EYA2: variants seen among roughly 807,000 people sequenced by gnomAD.
EYA2 encodes the protein EYA transcriptional coactivator and phosphatase 2.
A neutral mutation model predicts 69.2 loss-of-function variants in EYA2; 31 were observed. The observed-to-expected ratio is 0.45, with a 90% CI of 0.34 to 0.60. EYA2 has a LOEUF of 0.60. Ranked by LOEUF, EYA2 falls within the 20% of genes least tolerant of loss-of-function variation. The probability of loss-of-function intolerance (pLI) is 0.02; values close to 1 mark genes in which losing one functional copy is unlikely to be tolerated. For synonymous variants in EYA2, 257 were observed against 279.4 expected (o/e 0.92, Z 0.80); for missense variants, 622 against 701.2 (o/e 0.89, Z 1.28).
chr20:46,981,192 G>A (rs886730495), intron 1 of EYA2, among the ~76,000 whole-genome samples: 5 of 152,212 alleles, frequency 3.3e-5, no homozygotes, highest in African/African-American at 1.2e-4. Context: ...GTGGTTGAGA[G>A]AATTAAAAGA....
chr20:47,117,167 C>T (rs2032920223), intron 9 of EYA2, among the ~76,000 whole-genome samples: 1 of 152,080 alleles, frequency 6.6e-6, no homozygotes, highest in South Asian at 2.1e-4. Flanking sequence ...CGCACGCCAC[C>T]ACACCCAGCT....
At chr20:47,183,048 C>T (rs1484790986) in intron 14 of EYA2, among the ~76,000 whole-genome samples, 4 of 152,184 alleles carry the variant, frequency 2.6e-5, no homozygotes, top group African/African-American at 9.6e-5. Flanking sequence ...CTAACCCCTG[C>T]GCTGCCTCCT....
Position 47,004,976 on chromosome 20 carries a change from A to G in EYA2, c.190A>G (p.Thr64Ala), listed in dbSNP as rs1251316971. ...CPRVLPRQPS[T>A]AMAAYGQTQY... ...ACGTGTCCTCCCCCGCCAGCCTTCC[A>G]CAGCCATGGCAGCCTACGGCCAGAC... The change falls in exon 4 of 16, where the codon ACA becomes GCA. Residue 64 changes from threonine (T) to alanine (A), a missense_variant. Thr to Ala is a moderately conservative substitution (Grantham distance 58, BLOSUM62 0). Transcript: ENST00000327619. The G allele has an allele frequency of 3.1e-6, 5 of 1,613,944 alleles. No homozygotes were observed. The East Asian group carries it at 8.9e-5, about 29-fold the overall frequency.
intron 1 of EYA2, among the ~76,000 whole-genome samples, chr20:46,896,187 T>C (rs761721734): frequency 1.6e-4 from 25 of 152,156 alleles, no homozygotes; most frequent in South Asian, 2.1e-4. Flanking sequence ...CATGTAAGAA[T>C]TTGAGCACTG....
intron 2 of EYA2, among the ~76,000 whole-genome samples, chr20:46,992,669 C>T (rs1470899185): frequency 6.6e-6 from 1 of 152,232 alleles, no homozygotes; most frequent in African/African-American, 2.4e-5. Flanking sequence ...TTGGAGCTGT[C>T]AGTGCCCTTT....
chr20:47,050,092 C>T (rs946511598), intron 5 of EYA2, among the ~76,000 whole-genome samples: 3 of 152,178 alleles, frequency 2.0e-5, no homozygotes, highest in Non-Finnish European at 2.9e-5. Flanking sequence ...GTGATGTTAA[C>T]CTTGATCATC....
At chr20:47,059,714 G>A (rs993029461) in intron 5 of EYA2, among the ~76,000 whole-genome samples, 1 of 152,180 alleles carries the variant, frequency 6.6e-6, no homozygotes, top group African/African-American at 2.4e-5. Context: ...AGTCATTTGG[G>A]GCTTTCCCCA....
chr20:47,085,507 G>A (rs867566905), intron 7 of EYA2, among the ~76,000 whole-genome samples: 12 of 151,920 alleles, frequency 7.9e-5, no homozygotes, highest in Admixed American at 2.6e-4. Context: ...TTAGCTGGGC[G>A]TGGTGGTGCA....
intron 5 of EYA2, among the ~76,000 whole-genome samples, chr20:47,047,921 C>T (rs952805795): frequency 6.7e-6 from 1 of 149,816 alleles, no homozygotes; most frequent in African/African-American, 2.5e-5. Flanking sequence ...CTCCATCCAT[C>T]TCGCTCCCAG....
chr20:47,113,170 G>A (rs2032798321), intron 9 of EYA2, among the ~76,000 whole-genome samples: 1 of 152,114 alleles, frequency 6.6e-6, no homozygotes, highest in Non-Finnish European at 1.5e-5. Context: ...ACCGCAACTG[G>A]CAGATTTTAC....
chr20:47,089,467 T>A, intron 8 of EYA2, 86 bp downstream of exon 8: 1 of 1,453,308 alleles, frequency 6.9e-7, no homozygotes, highest in Non-Finnish European at 9.3e-7. Flanking sequence ...TTTCTCCAAG[T>A]ACGAGGCGGA....
intron 1 of EYA2, among the ~76,000 whole-genome samples, chr20:46,904,273 T>C (rs964240573): frequency 2.0e-4 from 31 of 152,234 alleles, no homozygotes; most frequent in South Asian, 1.0e-3. Context: ...ACTCAATAAA[T>C]GGTAGCTTGT....
intron 10 of EYA2, among the ~76,000 whole-genome samples, chr20:47,155,663 C>T (rs1393282306): frequency 6.6e-6 from 1 of 151,878 alleles, no homozygotes; most frequent in South Asian, 2.1e-4. Context: ...TCACAGCAGC[C>T]CTGCAAAGGA....
chr20:46,981,259 G>C (rs1980817301), intron 1 of EYA2, among the ~76,000 whole-genome samples: 1 of 152,216 alleles, frequency 6.6e-6, no homozygotes, highest in Non-Finnish European at 1.5e-5. Context: ...CTTGGGAAAT[G>C]AGAACCATGA....
chr20:46,902,044 T>A (rs1316642018), intron 1 of EYA2, among the ~76,000 whole-genome samples: 1 of 152,088 alleles, frequency 6.6e-6, no homozygotes. Flanking sequence ...GCTCAAAATG[T>A]CTCAGCATTG....
chr20:46,942,853 C>A (rs1055210899), intron 1 of EYA2, among the ~76,000 whole-genome samples: 3 of 152,210 alleles, frequency 2.0e-5, no homozygotes, highest in African/African-American at 7.2e-5. Flanking sequence ...ACAACCTCCT[C>A]CTCCCCGGTT....
At chr20:47,039,702 G>A (rs540334455) in intron 5 of EYA2, among the ~76,000 whole-genome samples, 43 of 152,204 alleles carry the variant, frequency 2.8e-4, no homozygotes, top group Non-Finnish European at 5.1e-4. Flanking sequence ...AGTGATAAAA[G>A]ACACAGATTG....
At chr20:46,898,207 G>A (rs929682959) in intron 1 of EYA2, among the ~76,000 whole-genome samples, 3 of 151,448 alleles carry the variant, frequency 2.0e-5, no homozygotes, top group Non-Finnish European at 4.4e-5. Flanking sequence ...GACTAAGACT[G>A]GGTTTTGTTG....
chr20:47,068,019 C>A (rs1021076346), intron 5 of EYA2, among the ~76,000 whole-genome samples: 7 of 152,174 alleles, frequency 4.6e-5, no homozygotes, highest in Non-Finnish European at 7.3e-5. Flanking sequence ...CTTATTCTGG[C>A]ACATTTTGTT....
Sources: allele counts gnomAD v4.1 joint callset (sites outside exome capture counted in the v4.1 genomes callset), GRCh38; gene constraint gnomAD v4.1.1; transcripts MANE v1.5; gene names NCBI Gene and HGNC (gene_info 2026-07-23, HGNC 2026-07-21).